The following SDK1 variants were observed in gnomAD, a reference collection of about 807,000 sequenced individuals.
The protein encoded by SDK1 is sidekick cell adhesion molecule 1, also known as protein sidekick-1.
A neutral mutation model predicts 245.5 loss-of-function variants in SDK1; 157 were observed. The ratio of observed to expected loss-of-function variants is 0.64; its 90% CI spans 0.56 to 0.73. SDK1 has a LOEUF of 0.73. Ranked by LOEUF, SDK1 falls within the 30% of genes least tolerant of loss-of-function variation. The pLI is 0.00. For synonymous variants in SDK1, 1,647 were observed against 1,278.5 expected (o/e 1.29, Z -6.15); for missense variants, 3,583 against 3,002.3 (o/e 1.19, Z -4.52).
intron 5 of SDK1, among the ~76,000 whole-genome samples, chr7:3,839,864 A>G (rs950826377): frequency 3.3e-5 from 5 of 152,246 alleles, no homozygotes; most frequent in African/African-American, 9.6e-5. Flanking sequence ...TTATTGTAAT[A>G]TCTGTCTTTT....
chr7:3,510,375 A>G (rs1241847282), intron 1 of SDK1, among the ~76,000 whole-genome samples: 2 of 152,160 alleles, frequency 1.3e-5, no homozygotes, highest in African/African-American at 4.8e-5. Context: ...GGCTGCTCCA[A>G]GTTTTTTAGT....
chr7:4,152,524 A>G (rs1780454264), intron 30 of SDK1, among the ~76,000 whole-genome samples: 1 of 152,256 alleles, frequency 6.6e-6, no homozygotes. Context: ...TTCTGAAGCC[A>G]AACAGACTAA....
intron 4 of SDK1, among the ~76,000 whole-genome samples, chr7:3,798,090 T>A (rs1287748371): frequency 6.6e-6 from 1 of 152,066 alleles, no homozygotes; most frequent in Non-Finnish European, 1.5e-5. Flanking sequence ...TTTTCCCAGT[T>A]TTTTTTCCTG....
chr7:4,221,187 G>T, intron 39 of SDK1, 52 bp from the exon 40 acceptor site: 1 of 1,603,184 alleles, frequency 6.2e-7, no homozygotes, highest in Non-Finnish European at 8.5e-7. Flanking sequence ...GGGGTGGGAT[G>T]TGAGCCCCGC....
At chr7:3,633,885 G>C (rs1429495156) in intron 2 of SDK1, among the ~76,000 whole-genome samples, 3 of 152,032 alleles carry the variant, frequency 2.0e-5, no homozygotes, top group Admixed American at 1.3e-4. Flanking sequence ...TGAGGGTCCT[G>C]CTGCTGGCCC....
intron 5 of SDK1, among the ~76,000 whole-genome samples, chr7:3,824,496 G>A (rs1348454166): frequency 3.9e-5 from 6 of 152,164 alleles, no homozygotes; most frequent in Non-Finnish European, 8.8e-5. Flanking sequence ...TTTAAAATCG[G>A]AGTGTCATGC....
At chr7:4,116,510 G>A (rs186153330) in intron 25 of SDK1, among the ~76,000 whole-genome samples, 88 of 152,282 alleles carry the variant, frequency 5.8e-4, no homozygotes, top group Non-Finnish European at 9.9e-4. Context: ...CTCATTCCCC[G>A]GGTCCCGTTG....
intron 4 of SDK1, among the ~76,000 whole-genome samples, chr7:3,683,594 C>T (rs559698309): frequency 1.3e-4 from 20 of 152,330 alleles, no homozygotes; most frequent in Admixed American, 3.3e-4. Context: ...GGAGCAGCCC[C>T]GTTCCTCCCA....
At chr7:3,381,978 C>T (rs1462700686) in intron 1 of SDK1, among the ~76,000 whole-genome samples, 1 of 152,148 alleles carries the variant, frequency 6.6e-6, no homozygotes, top group African/African-American at 2.4e-5. Flanking sequence ...TAAAACTTAA[C>T]CGTTCGTCTT....
At chr7:3,755,345 G>A (rs73672160) in intron 4 of SDK1, among the ~76,000 whole-genome samples, 4,054 of 152,170 alleles carry the variant, frequency 0.027, 172 homozygotes, top group African/African-American at 0.094. Context: ...ACTGTTCGGT[G>A]CCCATGACTG....
chr7:3,634,177 C>T (rs1164343838), intron 2 of SDK1, among the ~76,000 whole-genome samples: 1 of 152,098 alleles, frequency 6.6e-6, no homozygotes, highest in South Asian at 2.1e-4. Flanking sequence ...GAGATAAGCC[C>T]CATCTCCACA....
intron 4 of SDK1, among the ~76,000 whole-genome samples, chr7:3,719,848 G>C (rs914842549): frequency 1.3e-5 from 2 of 151,810 alleles, no homozygotes; most frequent in African/African-American, 2.4e-5. Flanking sequence ...GTGGTGGTGC[G>C]TGCCTGAAGT....
intron 1 of SDK1, among the ~76,000 whole-genome samples, chr7:3,618,572 A>G (rs1299540638): frequency 6.6e-6 from 1 of 152,234 alleles, no homozygotes; most frequent in Non-Finnish European, 1.5e-5. Context: ...TCCCATTGAA[A>G]GTCACCAGGA....
intron 4 of SDK1, among the ~76,000 whole-genome samples, chr7:3,715,796 A>G (rs1785185440): frequency 1.3e-5 from 2 of 152,232 alleles, no homozygotes. Flanking sequence ...GAATGAGAAG[A>G]CACAATCAAC....
In SDK1 at chr7:4,257,269, G is replaced by A. The variant is rs573852558; in HGVS notation, c.6382-7855G>A. On this transcript the variant is annotated intron_variant, in intron 44 of 44. Transcript: ENST00000404826. ...TATCTTTATTAGCTGCTTTCCAGGC[G>A]TCTGTGCACCTTTAGAAACTCTCGC... 1.5e-4 allele frequency among the ~76,000 whole-genome samples: 23 copies of A among 152,218 alleles called. No individual in the cohort carries two copies. The South Asian group carries it at 2.7e-3, about 18-fold the overall frequency.
At chr7:3,598,123 C>T (rs1781127721) in intron 1 of SDK1, among the ~76,000 whole-genome samples, 1 of 152,234 alleles carries the variant, frequency 6.6e-6, no homozygotes, top group Non-Finnish European at 1.5e-5. Context: ...TTCAATTTAG[C>T]CACTTATAGT....
intron 5 of SDK1, among the ~76,000 whole-genome samples, chr7:3,842,112 A>G (rs1285616739): frequency 6.6e-6 from 1 of 152,240 alleles, no homozygotes; most frequent in South Asian, 2.1e-4. Context: ...TGTTGGTGGC[A>G]GCTAAAAATG....
intron 1 of SDK1, among the ~76,000 whole-genome samples, chr7:3,602,823 G>A (rs1170757303): frequency 1.3e-5 from 2 of 152,184 alleles, no homozygotes; most frequent in African/African-American, 2.4e-5. Context: ...TAACATTTAA[G>A]TCTTTAATCC....
chr7:3,380,515 G>T (rs1702482223), intron 1 of SDK1, among the ~76,000 whole-genome samples: 1 of 152,196 alleles, frequency 6.6e-6, no homozygotes, highest in African/African-American at 2.4e-5. Context: ...GGAATTGGCG[G>T]TTCAGTTTGG....
Sources: gnomAD v4.1 joint callset for allele counts (sites outside exome capture counted in the v4.1 genomes callset) on GRCh38, gnomAD v4.1.1 for gene constraint, MANE v1.5 for transcripts, NCBI Gene and HGNC (gene_info 2026-07-23, HGNC 2026-07-21) for gene names.